The following GRIP1 variants were observed in gnomAD, a reference collection of about 807,000 sequenced individuals.
GRIP1 encodes the protein glutamate receptor interacting protein 1, also known as glutamate receptor-interacting protein 1.
A neutral mutation model predicts 129.9 loss-of-function variants in GRIP1; 45 were observed. The ratio of observed to expected loss-of-function variants is 0.35; its 90% CI spans 0.27 to 0.44. GRIP1 has a LOEUF of 0.44. Among genes scored for constraint, GRIP1 ranks in the 20% least tolerant of loss-of-function variants. The probability of loss-of-function intolerance (pLI) is 1.00; values close to 1 mark genes in which losing one functional copy is unlikely to be tolerated. For missense variants in GRIP1, 1,196 were observed against 1,396.8 expected, an observed-to-expected ratio of 0.86 and a Z score of 2.29; for synonymous variants, 530 against 520.8, an observed-to-expected ratio of 1.02 and a Z score of -0.24.
rs2054057248 is a variant in GRIP1 at position 66,348,098 on chromosome 12, T to C, written c.*921A>G. 1.3e-5 allele frequency: 2 copies of C among 152,326 alleles called. No homozygotes were observed. Among genetic ancestry groups the C allele is most frequent in the South Asian group, 4.1e-4 (2 of 4,824 alleles). 9.4% of individuals were successfully genotyped at this position (152,326 alleles called of 1,614,324 possible). A position where few individuals can be genotyped will look rare whatever the true frequency, so the allele number is the denominator to read the frequency against. ...AAGTGGCATGGCTCAGAGCAAAAGA[T>C]AGTCCAGTGTCATTTTTAAGTACAT... On this transcript the variant is annotated 3_prime_UTR_variant, in exon 25 of 25. Coordinates refer to ENST00000359742, the MANE Select transcript of GRIP1 (RefSeq NM_001366722.1).
chr12:66,930,536 T>G (rs572872237), intron 1 of GRIP1, among the ~76,000 whole-genome samples: 17 of 151,860 alleles, frequency 1.1e-4, no homozygotes, highest in Admixed American at 3.3e-4. Flanking sequence ...TTCCAAGTCT[T>G]TGCTATTGTG....
At chr12:66,515,498 T>C (rs2060818876) in intron 7 of GRIP1, 121 bp downstream of exon 7, 1 of 909,924 alleles carries the variant, frequency 1.1e-6, no homozygotes, top group Non-Finnish European at 1.8e-6. Flanking sequence ...TGATATAGTA[T>C]TTATGAATTC....
chr12:67,025,942 C>A (rs553328068), intron 1 of GRIP1, among the ~76,000 whole-genome samples: 5 of 152,132 alleles, frequency 3.3e-5, no homozygotes, highest in African/African-American at 1.2e-4. Flanking sequence ...TCATTTTCCT[C>A]GGGCTTTTTT....
intron 1 of GRIP1, among the ~76,000 whole-genome samples, chr12:66,904,021 A>C (rs1330508306): frequency 6.6e-6 from 1 of 152,244 alleles, no homozygotes; most frequent in Non-Finnish European, 1.5e-5. Flanking sequence ...TTCAGCAAGA[A>C]GGCACTGACT....
intron 1 of GRIP1, among the ~76,000 whole-genome samples, chr12:66,918,206 G>T (rs1218089522): frequency 6.6e-6 from 1 of 152,062 alleles, no homozygotes; most frequent in Non-Finnish European, 1.5e-5. Flanking sequence ...TTAAAGGCCT[G>T]CAGGCTTAAG....
At chr12:66,485,917 A>C (rs908197409) in intron 7 of GRIP1, among the ~76,000 whole-genome samples, 2 of 152,086 alleles carry the variant, frequency 1.3e-5, no homozygotes, top group South Asian at 4.2e-4. Context: ...TGTATTTATG[A>C]ATATATACAT....
intron 1 of GRIP1, among the ~76,000 whole-genome samples, chr12:66,967,206 A>G (rs2042011004): frequency 6.6e-6 from 1 of 152,130 alleles, no homozygotes; most frequent in South Asian, 2.1e-4. Flanking sequence ...TAATAACTGT[A>G]CACATTTATG....
intron 1 of GRIP1, among the ~76,000 whole-genome samples, chr12:66,756,952 T>C (rs2037308978): frequency 6.6e-6 from 1 of 152,170 alleles, no homozygotes; most frequent in Admixed American, 6.5e-5. Context: ...CTTCTTTAAT[T>C]TTTAAATTTT....
At chr12:66,354,724 C>A (rs968258260) in intron 23 of GRIP1, among the ~76,000 whole-genome samples, 4 of 152,120 alleles carry the variant, frequency 2.6e-5, no homozygotes, top group African/African-American at 9.7e-5. Context: ...CTATGCAGGG[C>A]AAAATGTGAA....
intron 19 of GRIP1, among the ~76,000 whole-genome samples, chr12:66,386,149 G>C (rs755082901): frequency 2.6e-5 from 4 of 152,144 alleles, no homozygotes; most frequent in Admixed American, 6.5e-5. Context: ...AAAGTAGATG[G>C]AATCTTGATA....
At chr12:66,544,863 G>C (rs999798810) in intron 2 of GRIP1, among the ~76,000 whole-genome samples, 2 of 152,222 alleles carry the variant, frequency 1.3e-5, no homozygotes, top group Middle Eastern at 3.4e-3. Context: ...TGTTTGCATA[G>C]TGATCTAACG....
intron 7 of GRIP1, among the ~76,000 whole-genome samples, chr12:66,479,944 C>G (rs985364084): frequency 6.6e-6 from 1 of 152,120 alleles, no homozygotes; most frequent in African/African-American, 2.4e-5. Context: ...CTATTTATGA[C>G]AAACCCACAG....
chr12:66,966,449 T>C (rs918987204), intron 1 of GRIP1, among the ~76,000 whole-genome samples: 1 of 152,160 alleles, frequency 6.6e-6, no homozygotes, highest in African/African-American at 2.4e-5. Flanking sequence ...GCACATTTGC[T>C]ACAACTAAAG....
rs376087991 is a variant in GRIP1 at position 66,942,599 on chromosome 12, G to A, written c.58+126451C>T. Among the ~76,000 whole-genome samples the A allele has an allele frequency of 1.3e-4, 20 of 152,336 alleles. No individual in the cohort carries two copies. In the East Asian group the frequency reaches 3.1e-3, roughly 23 times the overall value. ...GCATCCTTCATTTCATGCAGCATGG[G>A]TTAGTTGGGAGGAAGGGCGTTTCAG... is the stretch of plus-strand genomic sequence containing the variant. On this transcript the variant is annotated intron_variant, in intron 1 of 1. Coordinates refer to the GRIP1 transcript ENST00000643019.
chr12:66,849,909 T>G, intron 1 of GRIP1, among the ~76,000 whole-genome samples: 1 of 152,186 alleles, frequency 6.6e-6, no homozygotes, highest in Non-Finnish European at 1.5e-5. Flanking sequence ...CCAGTTCAAT[T>G]TCTGGCTCTG....
chr12:66,926,788 G>C (rs2041303033), intron 1 of GRIP1, among the ~76,000 whole-genome samples: 1 of 152,100 alleles, frequency 6.6e-6, no homozygotes, highest in East Asian at 1.9e-4. Context: ...CATTTCACTA[G>C]GCCACATTTT....
chr12:66,764,512 G>T (rs781700597), intron 1 of GRIP1, among the ~76,000 whole-genome samples: 1 of 152,138 alleles, frequency 6.6e-6, no homozygotes, highest in Non-Finnish European at 1.5e-5. Context: ...CAACTTTTCA[G>T]GAATGTGCTT....
At chr12:66,415,136 G>T (rs2057552707) in intron 15 of GRIP1, among the ~76,000 whole-genome samples, 1 of 151,842 alleles carries the variant, frequency 6.6e-6, no homozygotes, top group South Asian at 2.1e-4. Flanking sequence ...TGATAAATGG[G>T]ATATAATTAA....
At chr12:67,003,725 T>TA (rs933358581) in intron 1 of GRIP1, among the ~76,000 whole-genome samples, 10 of 151,648 alleles carry the variant, frequency 6.6e-5, no homozygotes, top group East Asian at 3.9e-4. Context: ...TAAAAATAAA[T>TA]AAAAAAATAA....
Sources: allele counts gnomAD v4.1 joint callset (sites outside exome capture counted in the v4.1 genomes callset), GRCh38; gene constraint gnomAD v4.1.1; transcripts MANE v1.5; gene names NCBI Gene and HGNC (gene_info 2026-07-23, HGNC 2026-07-21).